Variants in SLC7A5 observed in about 807,000 individuals in gnomAD.
SLC7A5 encodes large neutral amino acids transporter small subunit 1.
In SLC7A5, 23 loss-of-function variants were observed where a neutral mutation model predicts 50.2. That is an observed-to-expected ratio of 0.46 (90% CI 0.33 to 0.65). SLC7A5 has a LOEUF of 0.65. SLC7A5 is among the 30% of genes least tolerant of loss of function. The pLI is 0.02. For missense variants in SLC7A5, 578 were observed against 684.4 expected, an observed-to-expected ratio of 0.84 and a Z score of 1.73; for synonymous variants, 393 against 330.6, an observed-to-expected ratio of 1.19 and a Z score of -2.05.
At chr16:87,847,516 G>C (rs1003500417) in intron 2 of SLC7A5, among the ~76,000 whole-genome samples, 1 of 152,182 alleles carries the variant, frequency 6.6e-6, no homozygotes, top group African/African-American at 2.4e-5. Flanking sequence ...AGTCTGAAAA[G>C]GAATGTCCTC....
At chr16:87,865,663 T>G (rs142685852) in intron 1 of SLC7A5, among the ~76,000 whole-genome samples, 1 of 152,006 alleles carries the variant, frequency 6.6e-6, no homozygotes, top group Non-Finnish European at 1.5e-5. Flanking sequence ...GCCAAGATCG[T>G]GCCATTGTAC....
intron 1 of SLC7A5, among the ~76,000 whole-genome samples, chr16:87,856,711 A>G (rs2055326250): frequency 6.6e-6 from 1 of 152,198 alleles, no homozygotes; most frequent in Non-Finnish European, 1.5e-5. Flanking sequence ...GGGCTTTAGT[A>G]GAACCAGTAC....
intron 1 of SLC7A5, among the ~76,000 whole-genome samples, chr16:87,866,430 A>G (rs1388461706): frequency 6.6e-6 from 1 of 152,114 alleles, no homozygotes; most frequent in Non-Finnish European, 1.5e-5. Flanking sequence ...GCCTCCGAGT[A>G]GCTGGGACTA....
At chr16:87,844,141 A>G (rs2055117549) in intron 2 of SLC7A5, among the ~76,000 whole-genome samples, 1 of 152,020 alleles carries the variant, frequency 6.6e-6, no homozygotes, top group South Asian at 2.1e-4. Flanking sequence ...CAGAGACGCG[A>G]GAACAGACTC....
Position 87,851,836 on chromosome 16 carries a change from G to A in SLC7A5, c.552C>T (p.Ala184=), listed in dbSNP as rs549051612. ...CGGCCTTCACGCTGTAGCAGTTCAC[G>A]GCCGTGAGCAGCACTGTGGAGACAG... ...VACLCVLLLT[A]VNCYSVKAAT... The change falls in exon 2 of 10, where the codon GCC becomes GCT. Residue 184 remains alanine, a synonymous_variant. Coordinates refer to ENST00000261622, the MANE Select transcript of SLC7A5 (RefSeq NM_003486.7). The A allele has an allele frequency of 3.6e-5, 58 of 1,613,028 alleles. No individual in the cohort carries two copies. The highest frequency in any genetic ancestry group is 1.3e-4 in the East Asian group (6 of 44,874).
rs1229252880 is a variant in SLC7A5 at position 87,862,767 on chromosome 16, C to A, written c.538+6118G>T. ...ATCCCATTCCACAGTCAGAAACAGG[C>A]TCGGCGGGGCCAGGTGGATTTCTCA... On this transcript the variant is annotated intron_variant, in intron 1 of 9. Coordinates refer to ENST00000261622, the MANE Select transcript of SLC7A5 (RefSeq NM_003486.7). The surrounding 1 kb of genome is among the most constrained non-coding windows in gnomAD (Gnocchi z 5.3). 6.6e-6 allele frequency among the ~76,000 whole-genome samples: 1 copy of A among 152,262 alleles called. No individual in the cohort carries two copies. The highest frequency in any genetic ancestry group is 2.4e-5 in the African/African-American group (1 of 41,470).
intron 1 of SLC7A5, among the ~76,000 whole-genome samples, chr16:87,858,501 C>T (rs796284786): frequency 2.5e-4 from 38 of 152,284 alleles, no homozygotes; most frequent in African/African-American, 8.4e-4. Context: ...GCTCCAGTCA[C>T]GGTATTGTGG....
chr16:87,852,638 C>CTGTGTGTGTGTGTGTGCGTG lies in SLC7A5; in HGVS notation c.539-790_539-789insCACGCACACACACACACACA, dbSNP rs2055247450. On this transcript the variant is annotated intron_variant, in intron 1 of 9. Coordinates refer to ENST00000261622, the MANE Select transcript of SLC7A5 (RefSeq NM_003486.7). This position sits in a 1 kb window ranked among gnomAD's most constrained non-coding sequence, Gnocchi z 4.5. ...CTGTAAGGCACCCAGCTCTGAGCCT[C>CTGTGTGTGTGTGTGTGCGTG]TGTGTGTGTGTGTGTGTGTGTGTGT... Among the ~76,000 whole-genome samples, 1 of 116,796 alleles carries CTGTGTGTGTGTGTGTGCGTG rather than the reference C, an allele frequency of 8.6e-6. No homozygotes were observed. Among genetic ancestry groups the CTGTGTGTGTGTGTGTGCGTG allele is most frequent in the Non-Finnish European group, 1.8e-5 (1 of 56,440 alleles). The allele number at this position is 116,796 out of a possible 152,430, so 76.6% of individuals were successfully genotyped here.
chr16:87,839,136 C>T (rs116034068), intron 5 of SLC7A5, among the ~76,000 whole-genome samples: 1,969 of 152,342 alleles, frequency 0.013, 70 homozygotes, highest in African/African-American at 0.044. Context: ...AGGCTCAGCA[C>T]GGTGCCCTGC....
At chr16:87,867,560 C>T (rs752616022) in intron 1 of SLC7A5, among the ~76,000 whole-genome samples, 14 of 152,096 alleles carry the variant, frequency 9.2e-5, no homozygotes, top group South Asian at 2.1e-4. Context: ...CTCCCCCTCC[C>T]CCTCCCCCCC....
rs571198334 is a variant in SLC7A5, at chr16:87,852,734, T to C, written c.539-885A>G. ...TAGGCACGCTGAGCCACTGTGTGTG[T>C]GTGCGTGTGTGTGTGTGTTTTGGGG... is the stretch of plus-strand genomic sequence containing the variant. On this transcript the variant is annotated intron_variant, in intron 1 of 9. Transcript: ENST00000261622. The surrounding 1 kb of genome is among the most constrained non-coding windows in gnomAD (Gnocchi z 4.5). Among the ~76,000 whole-genome samples, 26 of 151,434 alleles carry C rather than the reference T, an allele frequency of 1.7e-4. No individual in the cohort carries two copies. The South Asian group carries it at 5.4e-3, about 32-fold the overall frequency.
intron 2 of SLC7A5, among the ~76,000 whole-genome samples, chr16:87,848,450 T>C (rs985970867): frequency 1.7e-4 from 26 of 152,186 alleles, no homozygotes; most frequent in African/African-American, 5.8e-4. Context: ...AGTGGACTCA[T>C]GGGACGGTGG....
chr16:87,856,879 G>C (rs535946941), intron 1 of SLC7A5, among the ~76,000 whole-genome samples: 5 of 152,328 alleles, frequency 3.3e-5, no homozygotes, highest in African/African-American at 9.6e-5. Context: ...CAGAGCTTCT[G>C]ATCAGGCAGG....
chr16:87,838,782 C>A lies in SLC7A5; in HGVS notation c.975G>T (p.Trp325Cys), dbSNP rs1307015355. Reference sequence around the variant, plus strand: ...ACAGGCCCACGAAGACGGGGATGATCCAGGACATGACGCCCAGGTGATAGT... The same window carrying A: ...ACAGGCCCACGAAGACGGGGATGATACAGGACATGACGCCCAGGTGATAGT... ...FGNYHLGVMS[W>C]IIPVFVGLSC... is the part of the protein sequence containing the mutation. The change falls in exon 6 of 10, where the codon TGG becomes TGT. Residue 325 changes from tryptophan to cysteine, a missense_variant. Trp to Cys is a radical substitution (Grantham distance 215). Transcript: ENST00000261622. 1.2e-6 allele frequency: 2 copies of A among 1,614,038 alleles called. No homozygotes were observed. The highest frequency in any genetic ancestry group is 1.7e-6 in the Non-Finnish European group (2 of 1,180,018).
chr16:87,862,185 G>T lies in SLC7A5; in HGVS notation c.538+6700C>A, dbSNP rs1284040412. Among the ~76,000 whole-genome samples the T allele has an allele frequency of 1.3e-5, 2 of 152,124 alleles. No individual in the cohort carries two copies. The highest frequency in any genetic ancestry group is 4.8e-5 in the African/African-American group (2 of 41,410). ...GGAACAGGCCTGGACTGAGAAGCGG[G>T]GCTACAGGTTACAGGTGCTGGATAC... On this transcript the variant is annotated intron_variant, in intron 1 of 9. Transcript: ENST00000261622. The surrounding 1 kb of genome is among the most constrained non-coding windows in gnomAD (Gnocchi z 5.3).
intron 2 of SLC7A5, among the ~76,000 whole-genome samples, chr16:87,842,717 C>A (rs891841351): frequency 1.3e-5 from 2 of 152,200 alleles, no homozygotes; most frequent in Non-Finnish European, 2.9e-5. Context: ...CCTGCTGAGG[C>A]CTTGATCTCC....
chr16:87,851,955 A>C, intron 1 of SLC7A5, 106 bp from the exon 2 acceptor site: 1 of 1,382,672 alleles, frequency 7.2e-7, no homozygotes, highest in Non-Finnish European at 1.0e-6. Context: ...CAGGTCCACC[A>C]GAAAAACAAG....
Position 87,833,753 on chromosome 16 carries a change from T to C in SLC7A5, c.1468+661A>G, listed in dbSNP as rs2054961388. 6.6e-6 allele frequency among the ~76,000 whole-genome samples: 1 copy of C among 151,850 alleles called. No homozygotes were observed. The highest frequency in any genetic ancestry group is 3.2e-3 in the Middle Eastern group (1 of 314). ...GCACCCCGGCCTTTTTCTACGAGCCTGGCCACATTTGCAGGCGCTGAGGAC... is the reference window on the plus strand; with the variant it reads ...GCACCCCGGCCTTTTTCTACGAGCCCGGCCACATTTGCAGGCGCTGAGGAC... On this transcript the variant is annotated intron_variant, in intron 9 of 9. Coordinates refer to ENST00000261622, the MANE Select transcript of SLC7A5 (RefSeq NM_003486.7). The surrounding 1 kb of genome is among the most constrained non-coding windows in gnomAD (Gnocchi z 6.0).
chr16:87,843,461 T>A (rs2055108738), intron 2 of SLC7A5, among the ~76,000 whole-genome samples: 1 of 148,562 alleles, frequency 6.7e-6, no homozygotes. Context: ...TTGGCCAGGC[T>A]GGTCCAGCTC....
Sources: gnomAD v4.1 joint callset for allele counts (sites outside exome capture counted in the v4.1 genomes callset) on GRCh38, gnomAD v4.1.1 for gene constraint, Gnocchi (gnomAD v3.1) non-coding constraint, MANE v1.5 for transcripts, NCBI Gene and HGNC (gene_info 2026-07-23, HGNC 2026-07-21) for gene names.